The following SRP9 variants were observed in gnomAD, a reference collection of about 807,000 sequenced individuals.
SRP9 encodes the protein signal recognition particle 9 kDa protein.
In SRP9, 2 loss-of-function variants were observed where a neutral mutation model predicts 11.7. The observed-to-expected ratio is 0.17, with a 90% CI of 0.07 to 0.54. SRP9 has a LOEUF of 0.54. Among genes scored for constraint, SRP9 ranks in the 20% least tolerant of loss-of-function variants. The probability of loss-of-function intolerance (pLI) is 0.94; values close to 1 mark genes in which losing one functional copy is unlikely to be tolerated. For synonymous variants in SRP9, 27 were observed against 35.6 expected (o/e 0.76, Z 0.86); for missense variants, 54 against 108.1 (o/e 0.50, Z 2.22).
At chr1:225,781,332 C>T (rs1370512047) in intron 1 of SRP9, among the ~76,000 whole-genome samples, 1 of 151,438 alleles carries the variant, frequency 6.6e-6, no homozygotes, top group Non-Finnish European at 1.5e-5. Context: ...GGTGACTTGG[C>T]ACCCTCTAAA....
intron 2 of SRP9, among the ~76,000 whole-genome samples, chr1:225,787,821 T>G (rs753708789): frequency 6.6e-6 from 1 of 152,240 alleles, no homozygotes; most frequent in Non-Finnish European, 1.5e-5. Flanking sequence ...AAGATTAATA[T>G]GGCCTTTTTA....
rs1202809228 is a variant in SRP9 at position 225,789,257 on chromosome 1, A to G, written c.159A>G (p.Thr53=). 6.2e-7 allele frequency: 1 copy of G among 1,610,866 alleles called. No homozygotes were observed. The highest frequency in any genetic ancestry group is 1.3e-5 in the African/African-American group (1 of 74,698). Residue 53 remains threonine (T), a synonymous_variant, in exon 3 of 3, where the codon ACA becomes ACG. Coordinates refer to ENST00000304786, the MANE Select transcript of SRP9 (RefSeq NM_003133.6). The part of the protein sequence containing the change: ...TDDLVCLVYK[T]DQAQDVKKIE... ...TCTGACAGTGTTTGGTGTATAAAAC[A>G]GACCAAGCTCAAGATGTAAAGAAGA...
intron 2 of SRP9, among the ~76,000 whole-genome samples, chr1:225,785,583 T>C (rs1205902208): frequency 6.6e-6 from 1 of 152,146 alleles, no homozygotes; most frequent in African/African-American, 2.4e-5. Flanking sequence ...GGTTTCACCC[T>C]GTTAGCCAGG....
At chr1:225,785,627 G>T (rs1429033462) in intron 2 of SRP9, among the ~76,000 whole-genome samples, 4 of 149,190 alleles carry the variant, frequency 2.7e-5, no homozygotes, top group African/African-American at 9.9e-5. Context: ...TGATCTGCCC[G>T]CCTTGGCCTC....
At chr1:225,784,973 G>A (rs983076473) in intron 2 of SRP9, among the ~76,000 whole-genome samples, 2 of 152,004 alleles carry the variant, frequency 1.3e-5, no homozygotes, top group South Asian at 2.1e-4. Flanking sequence ...ACAGGATATC[G>A]CTATGTTGCC....
At chr1:225,782,170 AT>A (rs1169139073) in intron 1 of SRP9, among the ~76,000 whole-genome samples, 1 of 151,212 alleles carries the variant, frequency 6.6e-6, no homozygotes, top group Non-Finnish European at 1.5e-5. Context: ...TATTTTATTT[AT>A]TTATTTTTTT....
intron 2 of SRP9, among the ~76,000 whole-genome samples, chr1:225,785,026 C>A (rs1306422622): frequency 6.6e-6 from 1 of 151,966 alleles, no homozygotes; most frequent in Non-Finnish European, 1.5e-5. Context: ...TCCTCCCACT[C>A]AGCCTCCCAA....
At chr1:225,787,315 A>G (rs1224563502) in intron 2 of SRP9, among the ~76,000 whole-genome samples, 1 of 152,122 alleles carries the variant, frequency 6.6e-6, no homozygotes, top group African/African-American at 2.4e-5. Context: ...TGGGCGGATC[A>G]TGAGGTCAGG....
intron 1 of SRP9, among the ~76,000 whole-genome samples, chr1:225,779,865 A>G (rs1038996280): frequency 1.3e-5 from 2 of 152,252 alleles, no homozygotes; most frequent in Non-Finnish European, 2.9e-5. Context: ...TACCCACAGT[A>G]TAAACTAAAA....
chr1:225,784,379 T>G (rs1473984342), intron 2 of SRP9, among the ~76,000 whole-genome samples: 1 of 150,476 alleles, frequency 6.6e-6, no homozygotes, highest in Non-Finnish European at 1.5e-5. Context: ...CCCGAGTAGC[T>G]GGGACTACAG....
intron 2 of SRP9, among the ~76,000 whole-genome samples, chr1:225,784,778 C>T (rs555298427): frequency 6.6e-6 from 1 of 151,760 alleles, no homozygotes; most frequent in East Asian, 2.0e-4. Context: ...GGAGGTGGAG[C>T]TTGCAGTGAG....
chr1:225,781,660 T>C (rs1665803869), intron 1 of SRP9, among the ~76,000 whole-genome samples: 1 of 152,170 alleles, frequency 6.6e-6, no homozygotes, highest in African/African-American at 2.4e-5. Context: ...CCTCCCAAAG[T>C]GCTGGGATTA....
In SRP9 at chr1:225,783,404, ATTTG is replaced by A. The variant is rs749804040; in HGVS notation, c.141+41_141+44del. On this transcript the variant is annotated intron_variant, in intron 2 of 2. Coordinates refer to ENST00000304786, the MANE Select transcript of SRP9 (RefSeq NM_003133.6). ...ATTTTTATTTGTTACATACTTTCAG[ATTTG>A]TTTGAGTTAATTATTTGTTTGAAAT... 57 of 1,499,928 alleles carry A rather than the reference ATTTG, an allele frequency of 3.8e-5. 1 individual carries two copies. The highest frequency in any genetic ancestry group is 2.7e-4 in the South Asian group (23 of 86,782). 92.9% of individuals were successfully genotyped at this position (1,499,928 alleles called of 1,614,324 possible).
At chr1:225,781,395 CT>C (rs11315558) in intron 1 of SRP9, among the ~76,000 whole-genome samples, 8,510 of 87,834 alleles carry the variant, frequency 0.097, 616 homozygotes, top group African/African-American at 0.32. Flanking sequence ...TTTTCTTTTT[CT>C]TTTTTTTTTT....
At chr1:225,778,496 T>G (rs976884306) in intron 1 of SRP9, among the ~76,000 whole-genome samples, 1 of 152,262 alleles carries the variant, frequency 6.6e-6, no homozygotes, top group Non-Finnish European at 1.5e-5. Context: ...CTTAGTATTT[T>G]GGGAGTCACA....
chr1:225,786,802 T>A (rs1665925193), intron 2 of SRP9: 1 of 1,256,788 alleles, frequency 8.0e-7, no homozygotes, highest in African/African-American at 1.6e-5. Flanking sequence ...CTTGGTAGAT[T>A]GAGTACATGT....
chr1:225,785,165 G>A (rs551122541), intron 2 of SRP9, among the ~76,000 whole-genome samples: 1 of 151,886 alleles, frequency 6.6e-6, no homozygotes, highest in African/African-American at 2.4e-5. Flanking sequence ...CCACCTCCTG[G>A]GTTCAAGTGA....
intron 2 of SRP9, among the ~76,000 whole-genome samples, chr1:225,785,789 T>C (rs1160681975): frequency 6.6e-6 from 1 of 151,580 alleles, no homozygotes; most frequent in South Asian, 2.1e-4. Flanking sequence ...TTCAAGCAAT[T>C]CTCCTGCCTC....
chr1:225,783,471 G>T, intron 2 of SRP9, 103 bp downstream of exon 2: 1 of 890,676 alleles, frequency 1.1e-6, no homozygotes, highest in Non-Finnish European at 1.7e-6. Flanking sequence ...CCATTAGGAT[G>T]CTTATTTTGC....
Sources: gnomAD v4.1 joint callset for allele counts (sites outside exome capture counted in the v4.1 genomes callset) on GRCh38, gnomAD v4.1.1 for gene constraint, MANE v1.5 for transcripts, NCBI Gene and HGNC (gene_info 2026-07-23, HGNC 2026-07-21) for gene names.